The following NYAP2 variants were observed in gnomAD, a reference collection of about 807,000 sequenced individuals.
NYAP2 encodes neuronal tyrosine-phosphorylated phosphoinositide-3-kinase adaptor 2.
Under a neutral mutation model 50.4 loss-of-function variants are expected in NYAP2, and 23 were observed. The ratio of observed to expected loss-of-function variants is 0.46; its 90% CI spans 0.33 to 0.65. The LOEUF is 0.65. NYAP2 is among the 30% of genes least tolerant of loss of function. The probability of loss-of-function intolerance (pLI) is 0.02; values close to 1 mark genes in which losing one functional copy is unlikely to be tolerated. For missense variants in NYAP2, 885 were observed against 861.0 expected (o/e 1.03, Z -0.35); for synonymous variants, 394 against 365.2 (o/e 1.08, Z -0.90).
chr2:225,572,617 G>C (rs1692093305), intron 4 of NYAP2, among the ~76,000 whole-genome samples: 1 of 152,228 alleles, frequency 6.6e-6, no homozygotes, highest in African/African-American at 2.4e-5. Flanking sequence ...TACAATTTAA[G>C]ATGAGATTTG....
At chr2:225,611,561 T>C (rs372202077) in intron 5 of NYAP2, among the ~76,000 whole-genome samples, 2 of 152,146 alleles carry the variant, frequency 1.3e-5, no homozygotes, top group African/African-American at 4.8e-5. Flanking sequence ...CCTTTGCCAT[T>C]TTTGAATCAC....
chr2:225,398,337 T>C (rs1159170148), upstream of NYAP2, among the ~76,000 whole-genome samples: 1 of 152,092 alleles, frequency 6.6e-6, no homozygotes, highest in Non-Finnish European at 1.5e-5. Context: ...CTAGAGCTTA[T>C]TCAAGCTCTC....
At chr2:225,550,303 C>CTA (rs5839112) in intron 4 of NYAP2, among the ~76,000 whole-genome samples, 1 of 151,246 alleles carries the variant, frequency 6.6e-6, no homozygotes, top group African/African-American at 2.4e-5. Context: ...TATAACCATT[C>CTA]TTTTTTTTTC....
intron 3 of NYAP2, among the ~76,000 whole-genome samples, chr2:225,476,430 A>T (rs1195519677): frequency 1.3e-4 from 20 of 151,522 alleles, no homozygotes; most frequent in Admixed American, 1.2e-3. Flanking sequence ...AAAAAAAAAA[A>T]TTTACTTAAA....
intron 5 of NYAP2, among the ~76,000 whole-genome samples, chr2:225,608,197 T>G (rs995057858): frequency 2.6e-5 from 4 of 152,180 alleles, no homozygotes; most frequent in African/African-American, 9.6e-5. Context: ...ATATACACTA[T>G]TAAATGTTTT....
At chr2:225,587,224 T>C (rs1160634224) in intron 5 of NYAP2, among the ~76,000 whole-genome samples, 1 of 152,202 alleles carries the variant, frequency 6.6e-6, no homozygotes. Context: ...TATCAGCCTG[T>C]ATTCAACATA....
intron 4 of NYAP2, among the ~76,000 whole-genome samples, chr2:225,515,587 A>T (rs984755231): frequency 7.9e-5 from 12 of 152,084 alleles, no homozygotes; most frequent in African/African-American, 2.9e-4. Context: ...CTTATAACAC[A>T]TTTTTTTAAG....
intron 4 of NYAP2, among the ~76,000 whole-genome samples, chr2:225,549,255 G>A (rs1691633639): frequency 6.6e-6 from 1 of 152,152 alleles, no homozygotes; most frequent in African/African-American, 2.4e-5. Context: ...GTTTATAGAT[G>A]TGCTTTATCT....
intron 5 of NYAP2, among the ~76,000 whole-genome samples, chr2:225,613,041 G>C (rs1009277476): frequency 1.3e-5 from 2 of 152,164 alleles, no homozygotes; most frequent in Non-Finnish European, 2.9e-5. Flanking sequence ...TTGAACATAT[G>C]AAAGGGAATT....
chr2:225,462,820 C>T (rs1278631882), intron 3 of NYAP2, among the ~76,000 whole-genome samples: 1 of 152,128 alleles, frequency 6.6e-6, no homozygotes, highest in Non-Finnish European at 1.5e-5. Flanking sequence ...TTTTGCCTTC[C>T]AGTGGCATCT....
intron 3 of NYAP2, among the ~76,000 whole-genome samples, chr2:225,502,644 C>A (rs1304653869): frequency 6.6e-6 from 1 of 152,172 alleles, no homozygotes; most frequent in Non-Finnish European, 1.5e-5. Flanking sequence ...GCTCACAAAT[C>A]CCCTTCTTCC....
intron 4 of NYAP2, among the ~76,000 whole-genome samples, chr2:225,560,388 C>A (rs974026273): frequency 2.0e-5 from 3 of 152,018 alleles, no homozygotes; most frequent in Non-Finnish European, 4.4e-5. Flanking sequence ...CATACCATAT[C>A]TTTGGACATA....
intron 4 of NYAP2, among the ~76,000 whole-genome samples, chr2:225,571,489 C>T (rs1345347442): frequency 6.6e-6 from 1 of 152,230 alleles, no homozygotes; most frequent in African/African-American, 2.4e-5. Flanking sequence ...TTCTGTGCCC[C>T]CACAGGGCCC....
Position 225,413,014 on chromosome 2 carries a change from A to G in NYAP2, c.221+3913A>G, listed in dbSNP as rs372745993. Among the ~76,000 whole-genome samples, 4 of 152,144 alleles carry G rather than the reference A, an allele frequency of 2.6e-5. No individual in the cohort carries two copies. In the East Asian group the frequency reaches 7.7e-4, roughly 29 times the overall value. ...ATATCTCAAACACTATTTTATTACTATCCTCACAGTCAGCACATGCACTAG... is the reference window on the plus strand; with the variant it reads ...ATATCTCAAACACTATTTTATTACTGTCCTCACAGTCAGCACATGCACTAG... On this transcript the variant is annotated intron_variant, in intron 3 of 6. Transcript: ENST00000636099.
At chr2:225,674,764 T>A in the NYAP2 span, among the ~76,000 whole-genome samples, 1 of 152,148 alleles carries the variant, frequency 6.6e-6, no homozygotes, top group Admixed American at 6.5e-5. Context: ...GGAGGCAGTA[T>A]GTTGAGGGAA....
At chr2:225,683,281 T>A in the NYAP2 span, among the ~76,000 whole-genome samples, 1 of 152,226 alleles carries the variant, frequency 6.6e-6, no homozygotes, top group Admixed American at 6.5e-5. Flanking sequence ...ACAGGCAATA[T>A]CCCTTGAAAG....
intron 3 of NYAP2, among the ~76,000 whole-genome samples, chr2:225,504,338 G>T (rs921623808): frequency 2.6e-5 from 4 of 152,020 alleles, no homozygotes; most frequent in African/African-American, 9.7e-5. Context: ...CATTCTGAGG[G>T]TTTTGCCCCC....
chr2:225,447,298 C>T (rs941195739), intron 3 of NYAP2, among the ~76,000 whole-genome samples: 1 of 152,150 alleles, frequency 6.6e-6, no homozygotes, highest in Non-Finnish European at 1.5e-5. Flanking sequence ...TGCACCCTTC[C>T]TCAGGTTTTG....
intron 4 of NYAP2, among the ~76,000 whole-genome samples, chr2:225,515,915 G>A (rs1262842864): frequency 6.6e-6 from 1 of 152,184 alleles, no homozygotes; most frequent in African/African-American, 2.4e-5. Context: ...ACCACCCAAA[G>A]AGAGAAGAGA....
Sources: gnomAD v4.1 joint callset for allele counts (sites outside exome capture counted in the v4.1 genomes callset) on GRCh38, gnomAD v4.1.1 for gene constraint, MANE v1.5 for transcripts, NCBI Gene and HGNC (gene_info 2026-07-23, HGNC 2026-07-21) for gene names.